ABLIM2: variants seen among roughly 807,000 people sequenced by gnomAD.
The protein encoded by ABLIM2 is actin binding LIM protein family member 2.
In ABLIM2, 53 loss-of-function variants were observed where a neutral mutation model predicts 97.7. The ratio of observed to expected loss-of-function variants is 0.54; its 90% CI spans 0.44 to 0.68. The LOEUF (loss-of-function observed/expected upper bound fraction) is 0.68, where lower values mean the gene tolerates loss of function less well. Ranked by LOEUF, ABLIM2 falls within the 30% of genes least tolerant of loss-of-function variation. The pLI is 0.00. For synonymous variants in ABLIM2, 361 were observed against 345.8 expected (o/e 1.04, Z -0.49); for missense variants, 835 against 867.2 (o/e 0.96, Z 0.47).
intron 20 of ABLIM2, among the ~76,000 whole-genome samples, chr4:7,979,492 C>G (rs1736293336): frequency 6.6e-6 from 1 of 152,194 alleles, no homozygotes; most frequent in African/African-American, 2.4e-5. Context: ...ATATTTTGAG[C>G]CTTAAGAGAA....
intron 2 of ABLIM2, among the ~76,000 whole-genome samples, chr4:8,101,614 A>T (rs939997003): frequency 7.9e-5 from 12 of 152,270 alleles, no homozygotes; most frequent in Admixed American, 7.2e-4. Flanking sequence ...CCTCCCGGAC[A>T]CACGTCCTTC....
Position 8,128,644 on chromosome 4 carries a change from T to C in ABLIM2, c.11-22007A>G, listed in dbSNP as rs1473564330. Among the ~76,000 whole-genome samples, 2 of 152,192 alleles carry C rather than the reference T, an allele frequency of 1.3e-5. No individual in the cohort carries two copies. The highest frequency in any genetic ancestry group is 2.4e-5 in the African/African-American group (1 of 41,444). The stretch of plus-strand genomic sequence containing the variant: ...GCAGGAAAGCGATGAAGTCATTGTC[T>C]AGCCCAAGGCCACTGCCGTGGATTG... On this transcript the variant is annotated intron_variant, in intron 1 of 20. Coordinates refer to ENST00000447017, the MANE Select transcript of ABLIM2 (RefSeq NM_001130083.2). This position sits in a 1 kb window ranked among gnomAD's most constrained non-coding sequence, Gnocchi z 4.9.
At position 8,005,429 on chromosome 4, in the gene ABLIM2, C is replaced by A. The variant is rs199719260; in HGVS notation, c.1618+2630G>T. 105 of 533,166 alleles carry A rather than the reference C, an allele frequency of 2.0e-4. No homozygotes were observed. The highest frequency in any genetic ancestry group is 1.0e-3 in the Admixed American group (53 of 51,588). 33.0% of individuals were successfully genotyped at this position (533,166 alleles called of 1,614,324 possible). The stretch of plus-strand genomic sequence containing the variant: ...TTGGGCGCGCTACAGATGGACGTCC[C>A]GGGGTGCAGGTGGCGTGCCTTGCTG... On this transcript the variant is annotated intron_variant, in intron 16 of 20. Transcript: ENST00000447017. The surrounding 1 kb of genome is among the most constrained non-coding windows in gnomAD (Gnocchi z 4.9).
chr4:8,013,222 T>A (rs2150589139), intron 14 of ABLIM2, among the ~76,000 whole-genome samples: 1 of 137,478 alleles, frequency 7.3e-6, no homozygotes, highest in Non-Finnish European at 1.6e-5. Context: ...ATTTTTCCTT[T>A]TTTTTTTTTT....
intron 1 of ABLIM2, among the ~76,000 whole-genome samples, chr4:8,136,102 C>T (rs962259110): frequency 4.6e-5 from 7 of 152,182 alleles, no homozygotes; most frequent in South Asian, 2.1e-4. Context: ...TCTATACGGA[C>T]GATGAAATAG....
intron 1 of ABLIM2, among the ~76,000 whole-genome samples, chr4:8,131,716 CT>C (rs1483101809): frequency 2.0e-4 from 16 of 78,604 alleles, no homozygotes; most frequent in African/African-American, 4.5e-4. Context: ...GCCCGCATCC[CT>C]GAGCACAGCA....
chr4:8,005,132 G>C lies in ABLIM2; in HGVS notation c.1618+2927C>G, dbSNP rs1760245773. Among the ~76,000 whole-genome samples, 1 of 152,226 alleles carries C rather than the reference G, an allele frequency of 6.6e-6. No homozygotes were observed. Among genetic ancestry groups the C allele is most frequent in the Non-Finnish European group, 1.5e-5 (1 of 68,038 alleles). ...GGTGTTGTGGGTGAGATGAGTTTGT[G>C]ATCGGGCCCTTGCGAAGCCAAAGAG... On this transcript the variant is annotated intron_variant, in intron 16 of 20. Transcript: ENST00000447017. The surrounding 1 kb of genome is among the most constrained non-coding windows in gnomAD (Gnocchi z 4.9).
intron 17 of ABLIM2, chr4:7,989,287 C>T: frequency 4.8e-6 from 2 of 413,912 alleles, no homozygotes; most frequent in Non-Finnish European, 6.5e-6. Context: ...CCATGTTGGC[C>T]AGGATGGTCT....
Position 8,125,090 on chromosome 4 carries a change from G to A in ABLIM2, c.11-18453C>T, listed in dbSNP as rs1847250775. 6.6e-6 allele frequency among the ~76,000 whole-genome samples: 1 copy of A among 152,182 alleles called. No homozygotes were observed. Among genetic ancestry groups the A allele is most frequent in the Non-Finnish European group, 1.5e-5 (1 of 68,038 alleles). On this transcript the variant is annotated intron_variant, in intron 1 of 20. Coordinates refer to ENST00000447017, the MANE Select transcript of ABLIM2 (RefSeq NM_001130083.2). This position sits in a 1 kb window ranked among gnomAD's most constrained non-coding sequence, Gnocchi z 6.2. ...GGTTGTCTTGATAGGATTGAGGGAT[G>A]AGAGTTATTCGTATATTCGAGATAC...
Position 7,992,938 on chromosome 4 carries a change from C to CA in ABLIM2, c.1619-12dup. ...TGGAATAGGGGAATCCTGAAACAGA[C>CA]ACAGCACAGCTTTGTCACGCGCGCA... On this transcript the variant is annotated splice_polypyrimidine_tract_variant and intron_variant, in intron 16 of 20. Transcript: ENST00000447017. This position sits in a 1 kb window ranked among gnomAD's most constrained non-coding sequence, Gnocchi z 5.7. 1 of 1,612,468 alleles carries CA rather than the reference C, an allele frequency of 6.2e-7. No homozygotes were observed. Among genetic ancestry groups the CA allele is most frequent in the African/African-American group, 1.3e-5 (1 of 75,000 alleles).
rs528728900 is a variant in ABLIM2 at position 8,128,346 on chromosome 4, C to T, written c.11-21709G>A. Among the ~76,000 whole-genome samples the T allele has an allele frequency of 2.0e-5, 3 of 152,298 alleles. No individual in the cohort carries two copies. The highest frequency in any genetic ancestry group is 6.5e-5 in the Admixed American group (1 of 15,298). Reference sequence around the variant, plus strand: ...CAGAGCTTCCAGGTGGGTGGGGCCACAAGAAGACGTGTCTCTATCTAGCGA... The same window carrying T: ...CAGAGCTTCCAGGTGGGTGGGGCCATAAGAAGACGTGTCTCTATCTAGCGA... On this transcript the variant is annotated intron_variant, in intron 1 of 20. Coordinates refer to ENST00000447017, the MANE Select transcript of ABLIM2 (RefSeq NM_001130083.2). This position sits in a 1 kb window ranked among gnomAD's most constrained non-coding sequence, Gnocchi z 4.9.
chr4:8,109,806 G>C (rs1015785546), intron 1 of ABLIM2, among the ~76,000 whole-genome samples: 1 of 152,204 alleles, frequency 6.6e-6, no homozygotes, highest in East Asian at 1.9e-4. Context: ...GCCTGCCTCC[G>C]GTTTTGCAAA....
rs1425045618 is a variant in ABLIM2, at chr4:8,050,274, C to T, written c.822+3914G>A. 2.6e-5 allele frequency among the ~76,000 whole-genome samples: 4 copies of T among 152,334 alleles called. No homozygotes were observed. In the East Asian group the frequency reaches 7.7e-4, roughly 29 times the overall value. ...TCTTCCAGTATTTTACAGTTTCACT[C>T]TTTCCGTGGACAGGTCCTTGTCCTG... On this transcript the variant is annotated intron_variant, in intron 8 of 20. Coordinates refer to ENST00000447017, the MANE Select transcript of ABLIM2 (RefSeq NM_001130083.2).
chr4:8,110,469 C>A (rs1380694101), intron 1 of ABLIM2, among the ~76,000 whole-genome samples: 3 of 152,122 alleles, frequency 2.0e-5, no homozygotes, highest in African/African-American at 7.2e-5. Flanking sequence ...GTCTCTCCAC[C>A]CAGGCATCCA....
chr4:7,989,990 G>A (rs1283053565), intron 17 of ABLIM2, among the ~76,000 whole-genome samples: 5 of 152,280 alleles, frequency 3.3e-5, no homozygotes, highest in South Asian at 2.1e-4. Context: ...CTATTAGGAC[G>A]TTTTAATGAC....
At chr4:7,974,306 T>A (rs1281208714) in intron 20 of ABLIM2, among the ~76,000 whole-genome samples, 1 of 144,052 alleles carries the variant, frequency 6.9e-6, no homozygotes, top group Non-Finnish European at 1.5e-5. Flanking sequence ...CATCCACCCA[T>A]CCACCAATCC....
At chr4:8,100,179 A>T (rs1833811436) in intron 2 of ABLIM2, among the ~76,000 whole-genome samples, 1 of 152,126 alleles carries the variant, frequency 6.6e-6, no homozygotes, top group African/African-American at 2.4e-5. Context: ...CCGCCCTTTG[A>T]CCCAGCAGTC....
intron 16 of ABLIM2, among the ~76,000 whole-genome samples, chr4:8,000,845 G>T (rs1466572842): frequency 6.6e-6 from 1 of 152,174 alleles, no homozygotes; most frequent in African/African-American, 2.4e-5. Context: ...TGACAGATCT[G>T]TGATCCAGGG....
In ABLIM2 at chr4:8,061,343, G is replaced by T. The variant is rs1176288713; in HGVS notation, c.676-289C>A. Among the ~76,000 whole-genome samples the T allele has an allele frequency of 6.6e-6, 1 of 152,154 alleles. No homozygotes were observed. The highest frequency in any genetic ancestry group is 1.5e-5 in the Non-Finnish European group (1 of 68,028). On this transcript the variant is annotated intron_variant, in intron 6 of 20. Coordinates refer to ENST00000447017, the MANE Select transcript of ABLIM2 (RefSeq NM_001130083.2). The surrounding 1 kb of genome is among the most constrained non-coding windows in gnomAD (Gnocchi z 4.5). The stretch of plus-strand genomic sequence containing the variant: ...TGCCGGGGTAGTCCAGGAGGGGTCA[G>T]CCTCCTTTACCAGGCGGCATCCAGA...
Sources: allele counts gnomAD v4.1 joint callset (sites outside exome capture counted in the v4.1 genomes callset), GRCh38; gene constraint gnomAD v4.1.1; non-coding constraint Gnocchi (gnomAD v3.1); transcripts MANE v1.5; gene names NCBI Gene and HGNC (gene_info 2026-07-23, HGNC 2026-07-21).